The following RARB variants were observed in gnomAD, a reference collection of about 807,000 sequenced individuals.
RARB encodes retinoic acid receptor beta.
RARB carries 17 observed loss-of-function variants against 51.9 expected under a neutral mutation model. The ratio of observed to expected loss-of-function variants is 0.33; its 90% CI spans 0.22 to 0.49. RARB has a LOEUF of 0.49. Ranked by LOEUF, RARB falls within the 20% of genes least tolerant of loss-of-function variation. RARB has a pLI of 0.99. For synonymous variants in RARB, 215 were observed against 195.4 expected (o/e 1.10, Z -0.84); for missense variants, 369 against 550.8 (o/e 0.67, Z 3.30).
At chr3:24,897,299 C>A (rs190654223) in intron 2 of RARB, among the ~76,000 whole-genome samples, 7 of 152,112 alleles carry the variant, frequency 4.6e-5, no homozygotes, top group African/African-American at 1.4e-4. Flanking sequence ...AGGAGTAAAA[C>A]GCTCAGGGGT....
intron 3 of RARB, among the ~76,000 whole-genome samples, chr3:25,509,624 G>T (rs1343941260): frequency 6.6e-6 from 1 of 152,190 alleles, no homozygotes; most frequent in Admixed American, 6.5e-5. Context: ...CATTTGCCCA[G>T]AGATGCCGAG....
At chr3:25,371,323 C>A (rs996510705) in intron 5 of RARB, among the ~76,000 whole-genome samples, 16 of 152,112 alleles carry the variant, frequency 1.1e-4, no homozygotes, top group Non-Finnish European at 8.8e-5. Context: ...GTGGACAAGG[C>A]TTGGGGGAGG....
At chr3:25,232,408 A>T (rs1156624329) in intron 5 of RARB, among the ~76,000 whole-genome samples, 17 of 152,218 alleles carry the variant, frequency 1.1e-4, no homozygotes, top group Non-Finnish European at 1.5e-5. Context: ...TTTAAAAAGA[A>T]TTGGCATCTT....
intron 2 of RARB, among the ~76,000 whole-genome samples, chr3:24,978,885 A>T (rs1038182453): frequency 6.6e-6 from 1 of 152,044 alleles, no homozygotes. Context: ...TCTTGTAGGC[A>T]TTTAGTGCTA....
chr3:25,045,607 A>G (rs192918006), intron 2 of RARB, among the ~76,000 whole-genome samples: 1 of 152,344 alleles, frequency 6.6e-6, no homozygotes, highest in Non-Finnish European at 1.5e-5. Flanking sequence ...TACCAGAACA[A>G]TGAGACATGA....
intron 2 of RARB, among the ~76,000 whole-genome samples, chr3:25,489,253 A>G (rs2125590383): frequency 6.6e-6 from 1 of 152,334 alleles, no homozygotes; most frequent in South Asian, 2.1e-4. Flanking sequence ...TAATATAGCT[A>G]CTTTAATTTT....
intron 5 of RARB, among the ~76,000 whole-genome samples, chr3:25,268,151 A>C (rs1703168480): frequency 6.6e-6 from 1 of 152,204 alleles, no homozygotes; most frequent in Admixed American, 6.5e-5. Context: ...TCCTCTTTTA[A>C]TCTTTTAACA....
chr3:25,233,174 T>A (rs2363593), intron 5 of RARB, among the ~76,000 whole-genome samples: 2 of 151,538 alleles, frequency 1.3e-5, no homozygotes, highest in African/African-American at 4.8e-5. Context: ...CTGGCCAGGC[T>A]GGTCTTGAGC....
intron 3 of RARB, among the ~76,000 whole-genome samples, chr3:25,091,332 G>T (rs1266326624): frequency 6.6e-6 from 1 of 152,130 alleles, no homozygotes; most frequent in Admixed American, 6.6e-5. Flanking sequence ...CTGTCAGTGG[G>T]ATTTTATGAT....
intron 5 of RARB, among the ~76,000 whole-genome samples, chr3:25,339,039 C>T (rs1251179864): frequency 1.3e-5 from 2 of 152,188 alleles, no homozygotes; most frequent in Admixed American, 6.5e-5. Flanking sequence ...AAAACTTGCA[C>T]TTGAAAGGTC....
At chr3:25,084,270 A>G (rs148496244) in intron 3 of RARB, among the ~76,000 whole-genome samples, 129 of 151,820 alleles carry the variant, frequency 8.5e-4, no homozygotes, top group Middle Eastern at 3.4e-3. Context: ...AGCAGAAACA[A>G]CTCTCTCATG....
chr3:25,526,229 G>C (rs1437663227), intron 3 of RARB, among the ~76,000 whole-genome samples: 1 of 152,144 alleles, frequency 6.6e-6, no homozygotes, highest in East Asian at 1.9e-4. Context: ...AATGAAAGAA[G>C]ACTGCTGGGG....
intron 3 of RARB, among the ~76,000 whole-genome samples, chr3:25,503,536 C>T (rs1199630757): frequency 6.6e-6 from 1 of 152,172 alleles, no homozygotes; most frequent in East Asian, 1.9e-4. Context: ...ATAATGTTTA[C>T]ACCCACAGGA....
chr3:25,549,581 G>A (rs1699761176), intron 3 of RARB, among the ~76,000 whole-genome samples: 1 of 152,114 alleles, frequency 6.6e-6, no homozygotes, highest in Non-Finnish European at 1.5e-5. Context: ...ATAACCCTCT[G>A]TACTGGGGGC....
At chr3:25,564,762 A>G (rs1700421182) in intron 3 of RARB, among the ~76,000 whole-genome samples, 1 of 152,094 alleles carries the variant, frequency 6.6e-6, no homozygotes, top group Admixed American at 6.5e-5. Flanking sequence ...TGCAGGCTTG[A>G]CAGTGTTTGC....
chr3:25,380,349 A>G (rs1458764670), intron 5 of RARB, among the ~76,000 whole-genome samples: 2 of 152,132 alleles, frequency 1.3e-5, no homozygotes, highest in Admixed American at 1.3e-4. Context: ...GAACGTTCAG[A>G]GTCTCAGGCT....
At chr3:25,348,088 A>G (rs59405096) in intron 5 of RARB, among the ~76,000 whole-genome samples, 5,843 of 152,164 alleles carry the variant, frequency 0.038, 413 homozygotes, top group African/African-American at 0.13. Context: ...TGATCTTCAT[A>G]GGCTTCATGG....
At chr3:24,982,178 C>CA (rs1696692402) in intron 2 of RARB, among the ~76,000 whole-genome samples, 1 of 152,184 alleles carries the variant, frequency 6.6e-6, no homozygotes, top group Non-Finnish European at 1.5e-5. Flanking sequence ...TCAGCTTGGT[C>CA]AGGGCCCAGC....
chr3:24,948,027 C>T (rs1414118791), intron 2 of RARB, among the ~76,000 whole-genome samples: 1 of 152,014 alleles, frequency 6.6e-6, no homozygotes, highest in African/African-American at 2.4e-5. Flanking sequence ...CAAGTACCTA[C>T]TTGATAATGT....
Sources: allele counts gnomAD v4.1 joint callset (sites outside exome capture counted in the v4.1 genomes callset), GRCh38; gene constraint gnomAD v4.1.1; transcripts MANE v1.5; gene names NCBI Gene and HGNC (gene_info 2026-07-23, HGNC 2026-07-21).